The following ATP6V1G1 variants were observed in gnomAD, a reference collection of about 807,000 sequenced individuals.
The protein encoded by ATP6V1G1 is V-type proton ATPase subunit G 1.
Under a neutral mutation model 14.2 loss-of-function variants are expected in ATP6V1G1, and 14 were observed. The observed-to-expected ratio is 0.99, with a 90% CI of 0.65 to 1.55. The LOEUF (loss-of-function observed/expected upper bound fraction) is 1.55, where lower values mean the gene tolerates loss of function less well. ATP6V1G1 is among the 40% of genes most tolerant of loss of function. The pLI is 0.00. For missense variants in ATP6V1G1, 137 were observed against 146.4 expected (o/e 0.94, Z 0.33); for synonymous variants, 65 against 53.3 (o/e 1.22, Z -0.96).
chr9:114,598,603 C>G lies in ATP6V1G1; in HGVS notation c.*860C>G, dbSNP rs1309801493. Reference sequence around the variant, plus strand: ...AAATGTTTTGGAAAACAGCAAGCAACTAGTCTGTAGGTTGTCTTTTCTCTA... The same window carrying G: ...AAATGTTTTGGAAAACAGCAAGCAAGTAGTCTGTAGGTTGTCTTTTCTCTA... On this transcript the variant is annotated 3_prime_UTR_variant, in exon 3 of 3. Coordinates refer to ENST00000374050, the MANE Select transcript of ATP6V1G1 (RefSeq NM_004888.4). Among the ~76,000 whole-genome samples the G allele has an allele frequency of 6.6e-6, 1 of 152,170 alleles. No individual in the cohort carries two copies. Among genetic ancestry groups the G allele is most frequent in the Non-Finnish European group, 1.5e-5 (1 of 68,038 alleles).
chr9:114,591,683 C>T (rs1845183296), intron 1 of ATP6V1G1, among the ~76,000 whole-genome samples: 2 of 152,132 alleles, frequency 1.3e-5, no homozygotes, highest in Admixed American at 6.5e-5. Flanking sequence ...TTCATTTTCA[C>T]TCATTCGCGT....
chr9:114,588,817 G>A (rs1845155018), intron 1 of ATP6V1G1, among the ~76,000 whole-genome samples: 1 of 152,148 alleles, frequency 6.6e-6, no homozygotes, highest in African/African-American at 2.4e-5. Flanking sequence ...GTGACTTCCT[G>A]CTGGTAAGGA....
intron 2 of ATP6V1G1, among the ~76,000 whole-genome samples, chr9:114,596,658 GTCT>G (rs1564275406): frequency 1.3e-5 from 2 of 152,018 alleles, no homozygotes; most frequent in African/African-American, 4.8e-5. Context: ...TGGAGATGGG[GTCT>G]TCTTGCAGTT....
At chr9:114,591,090 G>A (rs921474985) in intron 1 of ATP6V1G1, among the ~76,000 whole-genome samples, 2 of 152,172 alleles carry the variant, frequency 1.3e-5, no homozygotes, top group Non-Finnish European at 2.9e-5. Flanking sequence ...CAGCGCGCCC[G>A]GCGTGGACCT....
intron 2 of ATP6V1G1, 64 bp from the exon 3 acceptor site, chr9:114,597,506 A>T (rs188825943): frequency 1.4e-6 from 2 of 1,382,242 alleles, no homozygotes; most frequent in Non-Finnish European, 1.9e-6. Context: ...AGCTTACGAA[A>T]TGTACCTGAC....
intron 1 of ATP6V1G1, among the ~76,000 whole-genome samples, chr9:114,590,211 A>C (rs1471557619): frequency 6.6e-6 from 1 of 151,460 alleles, no homozygotes; most frequent in South Asian, 2.1e-4. Flanking sequence ...AAAAAAAAAA[A>C]AACAAAAAAC....
intron 1 of ATP6V1G1, chr9:114,588,203 G>C: frequency 2.2e-6 from 1 of 446,676 alleles, no homozygotes; most frequent in South Asian, 3.4e-5. Context: ...GGAGCTCTTT[G>C]TTCTTCTTCT....
At chr9:114,596,946 A>AG (rs1845244117) in intron 2 of ATP6V1G1, among the ~76,000 whole-genome samples, 1 of 147,354 alleles carries the variant, frequency 6.8e-6, no homozygotes, top group African/African-American at 2.5e-5. Context: ...TTGAGTTTTT[A>AG]GGTTGATTCC....
intron 2 of ATP6V1G1, 43 bp downstream of exon 2, chr9:114,592,695 C>A: frequency 7.8e-6 from 12 of 1,535,938 alleles, no homozygotes; most frequent in Non-Finnish European, 1.1e-5. Context: ...GTTTCTGATC[C>A]CCTGTCCCGC....
Position 114,592,620 on chromosome 9 carries a change from A to T in ATP6V1G1, c.151A>T (p.Arg51Trp). The T allele has an allele frequency of 6.3e-7, 1 of 1,578,562 alleles. No homozygotes were observed. The highest frequency in any genetic ancestry group is 8.6e-7 in the Non-Finnish European group (1 of 1,161,132). ...QAEIEQYRLQ[R>W]EKEFKAKEAA... is the part of the protein sequence containing the mutation. The stretch of plus-strand genomic sequence containing the variant: ...TGAAATTGAACAGTACCGCCTGCAG[A>T]GGGAGAAAGAATTCAAGGCCAAGGA... Residue 51 changes from arginine (R) to tryptophan (W), a missense_variant, in exon 2 of 3, where the codon AGG becomes TGG. By Grantham distance (101) the Arg-to-Trp change is moderately radical. Transcript: ENST00000374050.
intron 1 of ATP6V1G1, 101 bp downstream of exon 1, chr9:114,588,021 G>A: frequency 7.8e-7 from 1 of 1,280,998 alleles, no homozygotes; most frequent in South Asian, 1.4e-5. Flanking sequence ...GCGGGGTGCG[G>A]GCGTGCGTAT....
At chr9:114,594,638 C>T (rs1259265155) in intron 2 of ATP6V1G1, among the ~76,000 whole-genome samples, 5 of 152,038 alleles carry the variant, frequency 3.3e-5, no homozygotes, top group Non-Finnish European at 7.4e-5. Context: ...CTACCTTGGC[C>T]TCCCAAAATG....
At chr9:114,594,572 C>T (rs1050539965) in intron 2 of ATP6V1G1, among the ~76,000 whole-genome samples, 3 of 151,632 alleles carry the variant, frequency 2.0e-5, no homozygotes, top group Non-Finnish European at 2.9e-5. Flanking sequence ...TTAGAAGAGA[C>T]GGGGGTTTCA....
In ATP6V1G1 at chr9:114,598,044, T is replaced by G. The variant is rs193050469; in HGVS notation, c.*301T>G. 8.3e-3 allele frequency: 1,366 copies of G among 163,984 alleles called. 22 individuals carry two copies. Among genetic ancestry groups the G allele is most frequent in the African/African-American group, 0.033 (1,255 of 38,148 alleles). The allele number at this position is 163,984 out of a possible 1,614,324, so 10.2% of individuals were successfully genotyped here. The stretch of plus-strand genomic sequence containing the variant: ...ATATCAGTGTTGACTTTTTCTTTCT[T>G]AGATCTAGTTTAAAAAAAAAAAAAA... On this transcript the variant is annotated 3_prime_UTR_variant, in exon 3 of 3. Transcript: ENST00000374050.
chr9:114,592,881 G>GT (rs1238382129), intron 2 of ATP6V1G1, among the ~76,000 whole-genome samples: 1 of 152,204 alleles, frequency 6.6e-6, no homozygotes, highest in East Asian at 1.9e-4. Flanking sequence ...CTGTTAAGCA[G>GT]TTAACATGCG....
intron 2 of ATP6V1G1, among the ~76,000 whole-genome samples, chr9:114,596,335 C>T (rs1021028426): frequency 1.4e-5 from 2 of 147,090 alleles, no homozygotes; most frequent in African/African-American, 2.5e-5. Context: ...TTGCAGTGAA[C>T]GGAGATCGCG....
At chr9:114,590,059 G>A (rs1404014345) in intron 1 of ATP6V1G1, among the ~76,000 whole-genome samples, 2 of 151,876 alleles carry the variant, frequency 1.3e-5, no homozygotes, top group African/African-American at 4.8e-5. Flanking sequence ...TTAGCTGGGC[G>A]TGGTGGTGTG....
chr9:114,590,601 T>G (rs2133557291), intron 1 of ATP6V1G1, among the ~76,000 whole-genome samples: 1 of 151,674 alleles, frequency 6.6e-6, no homozygotes, highest in East Asian at 2.0e-4. Context: ...TTGTTAATAG[T>G]TAGGAACAGA....
chr9:114,591,350 C>G (rs1446645238), intron 1 of ATP6V1G1, among the ~76,000 whole-genome samples: 1 of 152,180 alleles, frequency 6.6e-6, no homozygotes, highest in Non-Finnish European at 1.5e-5. Context: ...CTTGTGAAAT[C>G]ATGCGGAGCT....
Sources: allele counts gnomAD v4.1 joint callset (sites outside exome capture counted in the v4.1 genomes callset), GRCh38; gene constraint gnomAD v4.1.1; transcripts MANE v1.5; gene names NCBI Gene and HGNC (gene_info 2026-07-23, HGNC 2026-07-21).